The following NTRK1 variants were observed in gnomAD, a reference collection of about 807,000 sequenced individuals.
NTRK1 encodes the protein neurotrophic receptor tyrosine kinase 1, also known as high affinity nerve growth factor receptor.
In NTRK1, 62 loss-of-function variants were observed where a neutral mutation model predicts 86.8. The ratio of observed to expected loss-of-function variants is 0.71; its 90% CI spans 0.58 to 0.88. NTRK1 has a LOEUF of 0.88. NTRK1 is among the 40% of genes least tolerant of loss of function. NTRK1 has a pLI of 0.00. For missense variants in NTRK1, 967 were observed against 1,078.4 expected, an observed-to-expected ratio of 0.90 and a Z score of 1.45; for synonymous variants, 469 against 456.6, an observed-to-expected ratio of 1.03 and a Z score of -0.35.
chr1:156,845,575 GC>G lies in NTRK1; in HGVS notation c.50+3386del, dbSNP rs1654967288. ...CTCCCGCAAGACCCGCCCCTCACAG[GC>G]CCCACTCATCAGACCCTCCCAGGCC... On this transcript the variant is annotated intron_variant, in intron 2 of 16. Transcript: ENST00000392302. 2.0e-6 allele frequency: 3 copies of G among 1,478,136 alleles called. No individual in the cohort carries two copies. In the African/African-American group the frequency reaches 4.2e-5, roughly 21 times the overall value. The allele number at this position is 1,478,136 out of a possible 1,614,324, so 91.6% of individuals were successfully genotyped here.
chr1:156,870,551 C>G (rs892216158), intron 6 of NTRK1, among the ~76,000 whole-genome samples: 1 of 152,148 alleles, frequency 6.6e-6, no homozygotes, highest in Non-Finnish European at 1.5e-5. Flanking sequence ...GCAGGGCTTC[C>G]CCTCGAAGTG....
At position 156,842,084 on chromosome 1, in the gene NTRK1, G is replaced by A. The variant is rs748854792; in HGVS notation, c.-60G>A. 30 of 1,613,134 alleles carry A rather than the reference G, an allele frequency of 1.9e-5. No individual in the cohort carries two copies. Among genetic ancestry groups the A allele is most frequent in the Middle Eastern group, 1.6e-4 (1 of 6,082 alleles). On this transcript the variant is annotated 5_prime_UTR_variant, in exon 2 of 17. Transcript: ENST00000392302. ...AGGGAGTCTCTCTACTTTTCAGGCC[G>A]CCCTCATCTGCCTGGCACCCTCTGT...
At chr1:156,858,260 A>G (rs1655480096), upstream of NTRK1, among the ~76,000 whole-genome samples, 1 of 152,190 alleles carries the variant, frequency 6.6e-6, no homozygotes, top group East Asian at 1.9e-4. Context: ...GTTTTCAGGC[A>G]AGCTTCACTG....
chr1:156,841,417 C>T, intron 1 of NTRK1: 1 of 1,613,930 alleles, frequency 6.2e-7, no homozygotes, highest in Non-Finnish European at 8.5e-7. Flanking sequence ...AGCCCTCCAG[C>T]TCCTCCAGGA....
chr1:156,866,455 A>C (rs1454342160), intron 3 of NTRK1, among the ~76,000 whole-genome samples: 2 of 152,080 alleles, frequency 1.3e-5, no homozygotes. Context: ...GGAGCTGAGG[A>C]AGTGCGTGGA....
At chr1:156,875,928 C>T in intron 12 of NTRK1, 152 bp from the exon 13 acceptor site, 1 of 1,254,808 alleles carries the variant, frequency 8.0e-7, no homozygotes, top group Non-Finnish European at 1.2e-6. Flanking sequence ...TGACATGGGG[C>T]TTGCTGAAGG....
Position 156,854,130 on chromosome 1 carries a change from G to A in NTRK1, c.51-10224G>A, listed in dbSNP as rs374390533. On this transcript the variant is annotated intron_variant, in intron 2 of 16. Coordinates refer to the NTRK1 transcript ENST00000392302. This position sits in a 1 kb window ranked among gnomAD's most constrained non-coding sequence, Gnocchi z 4.2. ...CGCAGGCTCTCCAGTCCGTAGACAC[G>A]GAAGAGCAGCAGGTAGTCGGTGACC... The A allele has an allele frequency of 2.6e-4, 423 of 1,614,152 alleles. 3 individuals carry two copies. In the South Asian group the frequency reaches 3.3e-3, roughly 13 times the overall value.
intron 1 of NTRK1, among the ~76,000 whole-genome samples, chr1:156,831,200 G>A (rs2102842227): frequency 6.6e-6 from 1 of 152,332 alleles, no homozygotes; most frequent in South Asian, 2.1e-4. Context: ...AGTCATGGGT[G>A]GAGAGAGTGT....
intron 1 of NTRK1, chr1:156,816,984 C>A: frequency 2.9e-6 from 1 of 346,068 alleles, no homozygotes. Context: ...GCCCTTACTG[C>A]TGCCTGACCT....
chr1:156,851,870 C>T, intron 2 of NTRK1: 1 of 1,575,020 alleles, frequency 6.3e-7, no homozygotes, highest in Non-Finnish European at 8.6e-7. Flanking sequence ...GGGTGCCCCC[C>T]ACCCTCCCTA....
At chr1:156,852,303 G>C (rs1484570647) in intron 2 of NTRK1, 1 of 1,058,142 alleles carries the variant, frequency 9.5e-7, no homozygotes, top group Admixed American at 2.6e-5. Flanking sequence ...CTGCACCCAG[G>C]TCCCTCCCAT....
At chr1:156,843,467 C>G in intron 2 of NTRK1, 2 of 1,614,196 alleles carry the variant, frequency 1.2e-6, no homozygotes, top group Non-Finnish European at 1.7e-6. Context: ...CAGAAGCATA[C>G]AGGGTTCTGT....
In NTRK1 at chr1:156,873,874, C is replaced by T; in HGVS notation, c.1092C>T (p.Ala364=). 6.3e-7 allele frequency: 1 copy of T among 1,596,230 alleles called. No individual in the cohort carries two copies. The highest frequency in any genetic ancestry group is 2.3e-5 in the East Asian group (1 of 43,842). ...VNNGNYTLLA[A]NPFGQASASI... ...ACGGCAACTACACGCTGCTGGCTGC[C>T]AACCCCTTCGGCCAGGCCTCCGCCT... Residue 364 remains alanine (A), a synonymous_variant, in exon 8 of 17, where the codon GCC becomes GCT. Transcript: ENST00000524377.
chr1:156,823,900 A>C (rs748264270), intron 1 of NTRK1, among the ~76,000 whole-genome samples: 6 of 152,174 alleles, frequency 3.9e-5, no homozygotes, highest in Non-Finnish European at 5.9e-5. Context: ...CTGCCTCCCC[A>C]GTGATAGATG....
At chr1:156,836,108 C>A (rs865864601) in intron 1 of NTRK1, among the ~76,000 whole-genome samples, 2 of 152,184 alleles carry the variant, frequency 1.3e-5, no homozygotes, top group Non-Finnish European at 2.9e-5. Flanking sequence ...AGCCCCCCTC[C>A]TCCTGTCCAG....
At chr1:156,876,692 A>G in intron 14 of NTRK1, 120 bp downstream of exon 14, 1 of 1,274,844 alleles carries the variant, frequency 7.8e-7, no homozygotes, top group Non-Finnish European at 1.1e-6. Context: ...AAGATCAGGA[A>G]GGCACATTCC....
chr1:156,832,507 G>C (rs1453518326), intron 1 of NTRK1, among the ~76,000 whole-genome samples: 1 of 152,188 alleles, frequency 6.6e-6, no homozygotes, highest in East Asian at 1.9e-4. Flanking sequence ...CTGATTTAAA[G>C]GGGAGTAGGT....
chr1:156,846,130 G>T, intron 2 of NTRK1: 2 of 1,576,136 alleles, frequency 1.3e-6, no homozygotes, highest in South Asian at 2.4e-5. Context: ...CTAGGAGTGC[G>T]AGAAGGATGC....
chr1:156,870,018 G>GC (rs1233930239), intron 6 of NTRK1, among the ~76,000 whole-genome samples: 2 of 152,196 alleles, frequency 1.3e-5, no homozygotes, highest in East Asian at 3.9e-4. Context: ...CCACTGGGGC[G>GC]CTGAGCAGGG....
Sources: gnomAD v4.1 joint callset for allele counts (sites outside exome capture counted in the v4.1 genomes callset) on GRCh38, gnomAD v4.1.1 for gene constraint, Gnocchi (gnomAD v3.1) non-coding constraint, MANE v1.5 for transcripts, NCBI Gene and HGNC (gene_info 2026-07-23, HGNC 2026-07-21) for gene names.